Variants in ZNF782 observed in about 807,000 individuals in gnomAD.
The protein encoded by ZNF782 is zinc finger protein 782.
In ZNF782, 12 loss-of-function variants were observed where a neutral mutation model predicts 13.0. That is an observed-to-expected ratio of 0.92 (90% CI 0.59 to 1.50). The LOEUF (loss-of-function observed/expected upper bound fraction) is 1.50. Among genes scored for constraint, ZNF782 ranks in the 40% most tolerant of loss-of-function variants. ZNF782 has a pLI of 0.00. For missense variants in ZNF782, 770 were observed against 822.9 expected (o/e 0.94, Z 0.79); for synonymous variants, 284 against 283.0 (o/e 1.00, Z -0.04).
the ZNF782 span, among the ~76,000 whole-genome samples, chr9:96,885,830 CCT>C: frequency 1.6e-4 from 24 of 151,982 alleles, no homozygotes; most frequent in Admixed American, 2.0e-4. Context: ...TTCCTTCCTT[CCT>C]CTTTCTTTCT....
the ZNF782 span, among the ~76,000 whole-genome samples, chr9:96,884,523 G>A: frequency 6.6e-6 from 1 of 152,194 alleles, no homozygotes; most frequent in Non-Finnish European, 1.5e-5. Context: ...ACAAGGTGGT[G>A]TGAGTCAGCC....
chr9:96,817,931 C>G lies in ZNF782; in HGVS notation c.2092G>C (p.Gly698Arg), dbSNP rs773089329. The G allele has an allele frequency of 1.3e-6, 2 of 1,561,192 alleles. No homozygotes were observed. Among genetic ancestry groups the G allele is most frequent in the African/African-American group, 1.4e-5 (1 of 72,456 alleles). Residue 698 changes from glycine to arginine, a missense_variant, in exon 6 of 6, where the codon GGG becomes CGG. Gly to Arg is a moderately radical substitution (Grantham distance 125, BLOSUM62 -2). Coordinates refer to ENST00000481138, the MANE Select transcript of ZNF782 (RefSeq NM_001001662.3). ...TCTTTATATGCATACATTTAATCCC[C>G]TGGGTGGGCTTTCTGATGTTCTCTA... ...SLREHQKAHP[G>R]D is the part of the protein sequence containing the mutation.
At chr9:96,873,698 A>T (rs1489923784) in intron 1 of ZNF782, among the ~76,000 whole-genome samples, 2 of 152,064 alleles carry the variant, frequency 1.3e-5, no homozygotes, top group Non-Finnish European at 2.9e-5. Context: ...ACCTTGTCTC[A>T]CACACACACA....
At position 96,818,240 on chromosome 9, in the gene ZNF782, A is replaced by T. The variant is rs1850244457; in HGVS notation, c.1783T>A (p.Cys595Ser). Residue 595 changes from cysteine to serine, a missense_variant, in exon 6 of 6, where the codon TGT (cysteine) becomes AGT (serine). By Grantham distance (112) the Cys-to-Ser change is moderately radical. Coordinates refer to ENST00000481138, the MANE Select transcript of ZNF782 (RefSeq NM_001001662.3). ...GATTTCTGCCTGAATGTTTTTCCAC[A>T]CTCCTCACATTGATAGGGTTTCTCC... ...TGEKPYQCEE[C>S]GKTFRQKSNL... is the part of the protein sequence containing the mutation. 2.5e-6 allele frequency: 4 copies of T among 1,612,312 alleles called. No individual in the cohort carries two copies. Among genetic ancestry groups the T allele is most frequent in the Non-Finnish European group, 3.4e-6 (4 of 1,179,682 alleles).
At chr9:96,834,722 C>T (rs974599072) in intron 4 of ZNF782, among the ~76,000 whole-genome samples, 7 of 152,214 alleles carry the variant, frequency 4.6e-5, no homozygotes, top group African/African-American at 1.7e-4. Context: ...CCTAGTCTCA[C>T]TTGTTATGTT....
rs1219145296 is a variant in ZNF782 at position 96,850,729 on chromosome 9, G to C, written c.15+1218C>G. On this transcript the variant is annotated intron_variant, in intron 3 of 5. Coordinates refer to ENST00000481138, the MANE Select transcript of ZNF782 (RefSeq NM_001001662.3). This position sits in a 1 kb window ranked among gnomAD's most constrained non-coding sequence, Gnocchi z 4.3. The stretch of plus-strand genomic sequence containing the variant: ...CATTTATTATGATTATTTTAGTCTT[G>C]CTCTTTCATTTTAGTTAAGGCCTGT... 6.6e-6 allele frequency among the ~76,000 whole-genome samples: 1 copy of C among 152,100 alleles called. No individual in the cohort carries two copies. Among genetic ancestry groups the C allele is most frequent in the East Asian group, 1.9e-4 (1 of 5,190 alleles).
the ZNF782 span, among the ~76,000 whole-genome samples, chr9:96,912,529 T>C: frequency 1.4e-5 from 2 of 147,798 alleles, no homozygotes; most frequent in Admixed American, 1.4e-4. Flanking sequence ...GGCTTCTTTT[T>C]TTTCCTTTTA....
At chr9:96,856,276 A>T (rs1185484213), upstream of ZNF782, among the ~76,000 whole-genome samples, 1 of 152,218 alleles carries the variant, frequency 6.6e-6, no homozygotes, top group African/African-American at 2.4e-5. Context: ...GCAGAAGAGT[A>T]TATCCATGAG....
chr9:96,928,179 TAGTTA>T, the ZNF782 span: 5 of 161,646 alleles, frequency 3.1e-5, no homozygotes, highest in African/African-American at 9.7e-5. Context: ...AAGTATTGCT[TAGTTA>T]AGTTAAAATC....
chr9:96,930,058 C>T, the ZNF782 span, among the ~76,000 whole-genome samples: 1 of 152,284 alleles, frequency 6.6e-6, no homozygotes, highest in African/African-American at 2.4e-5. Context: ...CTAGAGACTG[C>T]ATGAGGTCCT....
upstream of ZNF782, among the ~76,000 whole-genome samples, chr9:96,878,190 A>G (rs1295945505): frequency 6.6e-6 from 1 of 152,096 alleles, no homozygotes; most frequent in Non-Finnish European, 1.5e-5. Flanking sequence ...CTAGGATTAC[A>G]GGCGCGCGCC....
the ZNF782 span, among the ~76,000 whole-genome samples, chr9:96,930,251 G>C: frequency 6.6e-6 from 1 of 152,056 alleles, no homozygotes; most frequent in African/African-American, 2.4e-5. Context: ...CTGGCCGGGC[G>C]CGGTGGCTCA....
the ZNF782 span, chr9:96,910,333 C>T: frequency 1.4e-3 from 836 of 587,390 alleles, 7 homozygotes; most frequent in Middle Eastern, 2.4e-3. Context: ...CTGCTACAGG[C>T]AAGCGGGCAG....
intron 4 of ZNF782, among the ~76,000 whole-genome samples, chr9:96,833,630 A>G (rs574762956): frequency 2.1e-4 from 32 of 152,340 alleles, no homozygotes; most frequent in African/African-American, 7.0e-4. Flanking sequence ...GGTGGAGGTA[A>G]TGGATGCCAG....
At chr9:96,837,234 C>T (rs1851031093) in intron 4 of ZNF782, among the ~76,000 whole-genome samples, 1 of 152,212 alleles carries the variant, frequency 6.6e-6, no homozygotes, top group African/African-American at 2.4e-5. Flanking sequence ...CTAGACACTA[C>T]TTACAGGTCT....
In ZNF782 at chr9:96,818,594, G is replaced by T; in HGVS notation, c.1429C>A (p.Pro477Thr). ...VHQRTHTGEK[P>T]FECNECGKSF... is the part of the protein sequence containing the mutation. ...TTCCCGCATTCATTACATTCAAAAG[G>T]TTTCTCCCCTGTGTGAGTTCTCTGA... The change falls in exon 6 of 6, where the codon CCT (proline) becomes ACT (threonine). Residue 477 changes from proline (P) to threonine (T), a missense_variant. Pro to Thr is a conservative substitution (Grantham distance 38). Transcript: ENST00000481138. 1 of 1,614,068 alleles carries T rather than the reference G, an allele frequency of 6.2e-7. No homozygotes were observed. The highest frequency in any genetic ancestry group is 1.3e-5 in the African/African-American group (1 of 75,006).
At chr9:96,863,801 G>A (rs184760527) in intron 1 of ZNF782, among the ~76,000 whole-genome samples, 58 of 152,258 alleles carry the variant, frequency 3.8e-4, no homozygotes, top group Non-Finnish European at 4.9e-4. Flanking sequence ...ATAGGTGGGA[G>A]CTAAGCTATG....
chr9:96,924,815 C>A, the ZNF782 span, among the ~76,000 whole-genome samples: 1 of 152,236 alleles, frequency 6.6e-6, no homozygotes, highest in Admixed American at 6.5e-5. Flanking sequence ...CTTTGGGGTT[C>A]CCACTGCATT....
chr9:96,910,157 GA>G, the ZNF782 span: 5 of 833,634 alleles, frequency 6.0e-6, no homozygotes, highest in Non-Finnish European at 9.9e-6. Context: ...GAAAGAGGCG[GA>G]AAATGGAAGA....
Sources: allele counts gnomAD v4.1 joint callset (sites outside exome capture counted in the v4.1 genomes callset), GRCh38; gene constraint gnomAD v4.1.1; non-coding constraint Gnocchi (gnomAD v3.1); transcripts MANE v1.5; gene names NCBI Gene and HGNC (gene_info 2026-07-23, HGNC 2026-07-21).